FBN2: variants seen among roughly 807,000 people sequenced by gnomAD.
FBN2 encodes fibrillin 2, also known as fibrillin-2.
A neutral mutation model predicts 355.6 loss-of-function variants in FBN2; 105 were observed. The ratio of observed to expected loss-of-function variants is 0.30; its 90% CI spans 0.25 to 0.35. FBN2 has a LOEUF of 0.35. Ranked by LOEUF, FBN2 falls within the 10% of genes least tolerant of loss-of-function variation. The probability of loss-of-function intolerance (pLI) is 1.00; values close to 1 mark genes in which losing one functional copy is unlikely to be tolerated. For missense variants in FBN2, 3,280 were observed against 3,758.7 expected, an observed-to-expected ratio of 0.87 and a Z score of 3.33; for synonymous variants, 1,350 against 1,301.2, an observed-to-expected ratio of 1.04 and a Z score of -0.81.
In FBN2 at chr5:128,289,826, A is replaced by G. The variant is rs1749270799; in HGVS notation, c.6511+56T>C. The G allele has an allele frequency of 9.0e-6, 9 of 1,003,152 alleles. No individual in the cohort carries two copies. The South Asian group carries it at 1.2e-4, about 14-fold the overall frequency. 62.1% of individuals were successfully genotyped at this position (1,003,152 alleles called of 1,614,324 possible). A position where few individuals can be genotyped will look rare whatever the true frequency, so the allele number is the denominator to read the frequency against. On this transcript the variant is annotated intron_variant, in intron 51 of 64. Transcript: ENST00000262464. ...TTAGCATGAGTTATAAAATAAATGT[A>G]AAATAATACGTGTGTATTAAATAAG...
intron 50 of FBN2, 142 bp downstream of exon 50, chr5:128,290,590 T>C (rs1033844257): frequency 1.2e-6 from 1 of 843,628 alleles, no homozygotes; most frequent in African/African-American, 1.7e-5. Flanking sequence ...TCAGGCTAGG[T>C]TGTTCAATGA....
intron 8 of FBN2, 131 bp downstream of exon 8, chr5:128,408,543 A>T: frequency 9.5e-7 from 1 of 1,054,004 alleles, no homozygotes; most frequent in Non-Finnish European, 1.5e-6. Flanking sequence ...CAATACTGGT[A>T]CCGTTTACAT....
intron 55 of FBN2, among the ~76,000 whole-genome samples, chr5:128,281,813 G>A (rs1307845079): frequency 6.6e-6 from 1 of 152,110 alleles, no homozygotes; most frequent in Non-Finnish European, 1.5e-5. Flanking sequence ...AGCCTCCTGA[G>A]TAGCTGGGAC....
chr5:128,517,929 G>A (rs1181715229), intron 5 of FBN2, among the ~76,000 whole-genome samples: 2 of 152,170 alleles, frequency 1.3e-5, no homozygotes, highest in African/African-American at 4.8e-5. Context: ...GAATGATTAT[G>A]TAATATTAAT....
intron 48 of FBN2, among the ~76,000 whole-genome samples, chr5:128,295,300 G>A (rs1444647729): frequency 6.6e-6 from 1 of 152,060 alleles, no homozygotes; most frequent in African/African-American, 2.4e-5. Flanking sequence ...TTTGGCTCAG[G>A]ATTGCCTTGG....
chr5:128,283,160 T>C (rs1327192721), intron 55 of FBN2, among the ~76,000 whole-genome samples: 1 of 152,186 alleles, frequency 6.6e-6, no homozygotes, highest in Admixed American at 6.5e-5. Context: ...CTTCCCAGAT[T>C]TCACAATACT....
intron 15 of FBN2, 50 bp from the exon 16 acceptor site, chr5:128,369,384 G>A (rs767550567): frequency 1.2e-6 from 2 of 1,601,156 alleles, no homozygotes; most frequent in African/African-American, 2.7e-5. Flanking sequence ...GAGACAAAGA[G>A]ATTTCGAAAC....
chr5:128,413,554 G>A lies in FBN2; in HGVS notation c.953-4755C>T, dbSNP rs549881272. Among the ~76,000 whole-genome samples the A allele has an allele frequency of 7.2e-5, 11 of 152,250 alleles. No individual in the cohort carries two copies. In the East Asian group the frequency reaches 2.1e-3, roughly 29 times the overall value. On this transcript the variant is annotated intron_variant, in intron 7 of 64. Transcript: ENST00000262464. ...AAAACCATCTGACAGATTTCTGACT[G>A]CCAAACCACATAACCTCATATTTGT...
At chr5:128,432,300 A>G (rs916188560) in intron 7 of FBN2, among the ~76,000 whole-genome samples, 8 of 152,186 alleles carry the variant, frequency 5.3e-5, no homozygotes, top group African/African-American at 1.9e-4. Flanking sequence ...TCCGTGGGCC[A>G]CTTAAAATCA....
Position 128,263,475 on chromosome 5 carries a change from C to A in FBN2, c.8142G>T (p.Glu2714Asp). The A allele has an allele frequency of 1.2e-6, 2 of 1,614,138 alleles. No individual in the cohort carries two copies. Among genetic ancestry groups the A allele is most frequent in the South Asian group, 1.1e-5 (1 of 91,078 alleles). ...GGGGGCAGCCACAGAGGTAGCCCCC[C>A]TCCGTGTTAGAGCAGCCGTAATTGC... The part of the protein sequence containing the change: ...NPCNYGCSNT[E>D]GGYLCGCPPG... Residue 2714 changes from glutamate to aspartate, a missense_variant, in exon 63 of 65, where the codon GAG (glutamate) becomes GAT (aspartate). Around this residue, in one of 6 missense-constraint regions of FBN2, gnomAD observed 311 missense variants for 319.1 expected, o/e 0.97. Transcript: ENST00000262464.
intron 7 of FBN2, among the ~76,000 whole-genome samples, chr5:128,442,982 C>A (rs1753962458): frequency 6.6e-6 from 1 of 152,160 alleles, no homozygotes; most frequent in South Asian, 2.1e-4. Context: ...AGCATTAAAA[C>A]ATTTTTAATA....
Position 128,310,402 on chromosome 5 carries a change from ATTTTTTTTTT to A in FBN2, c.5075-304_5075-295del, listed in dbSNP as rs199690802. Among the ~76,000 whole-genome samples the A allele has an allele frequency of 0.15, 3,525 of 22,978 alleles. 69 individuals carry two copies. Among genetic ancestry groups the A allele is most frequent in the South Asian group, 0.19 (134 of 702 alleles). 15.1% of individuals were successfully genotyped at this position (22,978 alleles called of 152,430 possible). A position where few individuals can be genotyped will look rare whatever the true frequency, so the allele number is the denominator to read the frequency against. On this transcript the variant is annotated intron_variant, in intron 39 of 64. Coordinates refer to ENST00000262464, the MANE Select transcript of FBN2 (RefSeq NM_001999.4). The stretch of plus-strand genomic sequence containing the variant: ...TATATATATATATATATATATATAT[ATTTTTTTTTT>A]TTTTTTTTTATTGCAATTCGCATTC...
At chr5:128,350,507 C>T (rs182937146) in intron 21 of FBN2, among the ~76,000 whole-genome samples, 13 of 152,248 alleles carry the variant, frequency 8.5e-5, no homozygotes, top group African/African-American at 1.7e-4. Flanking sequence ...GCTGAGGTCA[C>T]GCCACTGCAC....
rs1397486630 is a variant in FBN2, at chr5:128,259,572, G to A, written c.8622C>T (p.Ser2874=). ...GCTCCTTCTTCTTGTAGAGAGGGAT[G>A]CTAGTGATTTCCAGTGTGTATGTGC... is the stretch of plus-strand genomic sequence containing the variant. ...MPGTYTLEIT[S]IPLYKKKELK... is the part of the protein sequence containing the mutation. The change falls in exon 65 of 65, where the codon AGC becomes AGT. Residue 2874 remains serine (S), a synonymous_variant. Coordinates refer to ENST00000262464, the MANE Select transcript of FBN2 (RefSeq NM_001999.4). 3 of 1,613,988 alleles carry A rather than the reference G, an allele frequency of 1.9e-6. No individual in the cohort carries two copies. The highest frequency in any genetic ancestry group is 1.7e-5 in the Admixed American group (1 of 59,990).
intron 6 of FBN2, among the ~76,000 whole-genome samples, chr5:128,456,337 C>G (rs1031695552): frequency 6.6e-6 from 1 of 152,138 alleles, no homozygotes; most frequent in Admixed American, 6.5e-5. Flanking sequence ...GCTGCAGTCT[C>G]GGGATCAGCA....
chr5:128,493,814 G>A (rs1401660497), intron 5 of FBN2, among the ~76,000 whole-genome samples: 11 of 152,122 alleles, frequency 7.2e-5, no homozygotes, highest in Admixed American at 3.3e-4. Context: ...ACATTTCAGA[G>A]GTCGAATAAC....
intron 8 of FBN2, among the ~76,000 whole-genome samples, chr5:128,406,074 T>C (rs927179588): frequency 7.9e-5 from 12 of 152,140 alleles, no homozygotes; most frequent in Non-Finnish European, 1.6e-4. Flanking sequence ...TTCAAGAAAA[T>C]CAAGCCAGAT....
intron 7 of FBN2, among the ~76,000 whole-genome samples, chr5:128,411,786 T>TC (rs1293026884): frequency 1.3e-5 from 2 of 152,188 alleles, no homozygotes; most frequent in Non-Finnish European, 2.9e-5. Flanking sequence ...CCCCACCCCG[T>TC]CTTCGACCTA....
chr5:128,533,942 T>G (rs984022465), intron 2 of FBN2, among the ~76,000 whole-genome samples: 1 of 152,090 alleles, frequency 6.6e-6, no homozygotes, highest in African/African-American at 2.4e-5. Context: ...CAGTAATTTT[T>G]CTAGGCTACA....
Sources: gnomAD v4.1 joint callset for allele counts (sites outside exome capture counted in the v4.1 genomes callset) on GRCh38, gnomAD v4.1.1 for gene constraint, gnomAD v4.1.1 regional missense constraint, MANE v1.5 for transcripts, NCBI Gene and HGNC (gene_info 2026-07-23, HGNC 2026-07-21) for gene names.